The following STAT4 variants were observed in gnomAD, a reference collection of about 807,000 sequenced individuals.
STAT4 encodes the protein signal transducer and activator of transcription 4.
STAT4 carries 42 observed loss-of-function variants against 110.5 expected under a neutral mutation model. The observed-to-expected ratio is 0.38, with a 90% CI of 0.30 to 0.49. The LOEUF is 0.49. STAT4 is among the 20% of genes least tolerant of loss of function. The pLI, the probability that STAT4 is intolerant of heterozygous loss-of-function variation, is 0.95. For missense variants in STAT4, 632 were observed against 887.9 expected (o/e 0.71, Z 3.66); for synonymous variants, 284 against 302.2 (o/e 0.94, Z 0.63).
At chr2:191,123,871 G>C (rs918859171) in intron 3 of STAT4, among the ~76,000 whole-genome samples, 1 of 152,192 alleles carries the variant, frequency 6.6e-6, no homozygotes, top group South Asian at 2.1e-4. Context: ...AAAATTTGAA[G>C]TATGGTTCCT....
intron 16 of STAT4, among the ~76,000 whole-genome samples, chr2:191,036,710 T>C (rs2125152216): frequency 6.6e-6 from 1 of 152,338 alleles, no homozygotes; most frequent in South Asian, 2.1e-4. Context: ...AAACTTTCAC[T>C]CCTGCTCTGA....
Position 191,143,667 on chromosome 2 carries a change from T to C in STAT4, c.273+2946A>G, listed in dbSNP as rs1158610116. ...TAAATCTACCTTATACATCCCTTAGTTCCCCAGGTATCATATTGTTTACTC... is the reference window on the plus strand; with the variant it reads ...TAAATCTACCTTATACATCCCTTAGCTCCCCAGGTATCATATTGTTTACTC... On this transcript the variant is annotated intron_variant, in intron 3 of 23. Coordinates refer to ENST00000392320, the MANE Select transcript of STAT4 (RefSeq NM_003151.4). The surrounding 1 kb of genome is among the most constrained non-coding windows in gnomAD (Gnocchi z 5.6). 6.6e-6 allele frequency among the ~76,000 whole-genome samples: 1 copy of C among 152,214 alleles called. No individual in the cohort carries two copies.
At chr2:191,119,499 C>T (rs1698661388) in intron 3 of STAT4, among the ~76,000 whole-genome samples, 1 of 152,080 alleles carries the variant, frequency 6.6e-6, no homozygotes, top group Non-Finnish European at 1.5e-5. Flanking sequence ...CCTAAGAGCA[C>T]TGTAAAGCAT....
chr2:191,089,479 AT>A (rs1223891162), intron 3 of STAT4, among the ~76,000 whole-genome samples: 1 of 152,166 alleles, frequency 6.6e-6, no homozygotes, highest in Non-Finnish European at 1.5e-5. Context: ...TAATACAGCC[AT>A]TTTCAAAAAC....
At chr2:191,100,939 G>C (rs1383519735) in intron 3 of STAT4, among the ~76,000 whole-genome samples, 1 of 152,038 alleles carries the variant, frequency 6.6e-6, no homozygotes, top group African/African-American at 2.4e-5. Flanking sequence ...CCTCAGGACT[G>C]GAGGTCCGAA....
chr2:191,128,174 G>A (rs958744402), intron 3 of STAT4, among the ~76,000 whole-genome samples: 23 of 152,204 alleles, frequency 1.5e-4, no homozygotes, highest in African/African-American at 4.3e-4. Flanking sequence ...GAGGGTGTGC[G>A]TTGGGGAATT....
At chr2:191,151,362 T>C, upstream of STAT4, 2 of 985,552 alleles carry the variant, frequency 2.0e-6, no homozygotes, top group Non-Finnish European at 2.4e-6. This position sits in a 1 kb window ranked among gnomAD's most constrained non-coding sequence, Gnocchi z 4.7. Context: ...GCTTCCTCTC[T>C]CCCTAGTATA....
At chr2:191,075,315 T>A (rs1415096724) in intron 4 of STAT4, among the ~76,000 whole-genome samples, 1 of 152,244 alleles carries the variant, frequency 6.6e-6, no homozygotes, top group African/African-American at 2.4e-5. Context: ...AAAGACTGCA[T>A]TGATTCCTCT....
At chr2:191,095,666 G>T (rs1414522613) in intron 3 of STAT4, among the ~76,000 whole-genome samples, 1 of 152,176 alleles carries the variant, frequency 6.6e-6, no homozygotes, top group Admixed American at 6.5e-5. Flanking sequence ...AAGCAGGAAA[G>T]ATCTAAAATC....
chr2:191,107,751 T>A lies in STAT4; in HGVS notation c.274-31426A>T, dbSNP rs1357628539. Among the ~76,000 whole-genome samples the A allele has an allele frequency of 6.6e-6, 1 of 152,212 alleles. No homozygotes were observed. The highest frequency in any genetic ancestry group is 1.5e-5 in the Non-Finnish European group (1 of 68,032). On this transcript the variant is annotated intron_variant, in intron 3 of 23. Transcript: ENST00000392320. The surrounding 1 kb of genome is among the most constrained non-coding windows in gnomAD (Gnocchi z 4.2). ...CATAATTTATTTTTTCAACCCAGAT[T>A]ACTACCATACCTTCCTGATGTCCTA...
intron 13 of STAT4, 101 bp from the exon 14 acceptor site, chr2:191,054,635 A>G: frequency 1.1e-6 from 1 of 943,492 alleles, no homozygotes; most frequent in Non-Finnish European, 1.7e-6. Context: ...CACAGTTTTG[A>G]CTTCTAGAAC....
intron 3 of STAT4, among the ~76,000 whole-genome samples, chr2:191,084,476 T>C (rs1275706093): frequency 1.3e-5 from 2 of 152,138 alleles, no homozygotes; most frequent in Non-Finnish European, 2.9e-5. Context: ...TTAATACATG[T>C]AATTAAAACT....
At chr2:191,080,877 G>A (rs1697448457) in intron 3 of STAT4, among the ~76,000 whole-genome samples, 1 of 151,830 alleles carries the variant, frequency 6.6e-6, no homozygotes, top group African/African-American at 2.4e-5. Flanking sequence ...TATACTTTAA[G>A]TTCTGGGATA....
chr2:191,041,137 C>T lies in STAT4; in HGVS notation c.1263G>A (p.Met421Ile). The T allele has an allele frequency of 6.8e-7, 1 of 1,475,552 alleles. No individual in the cohort carries two copies. Among genetic ancestry groups the T allele is most frequent in the Non-Finnish European group, 9.0e-7 (1 of 1,106,120 alleles). The allele number at this position is 1,475,552 out of a possible 1,614,324, so 91.4% of individuals were successfully genotyped here. A position where few individuals can be genotyped will look rare whatever the true frequency, so the allele number is the denominator to read the frequency against. ...TTATGGAATGAAGTTCTTCAGTCAC[C>T]ATGTGACAGCCCTAAGGAAGAGAGA... ...AGGKGNEGCH[M>I]VTEELHSITF... The change falls in exon 15 of 24, where the codon ATG becomes ATA. Residue 421 changes from methionine (M) to isoleucine (I), a missense_variant. Around this residue, in one of 4 missense-constraint regions of STAT4, gnomAD observed 488 missense variants for 632.8 expected, o/e 0.77. Transcript: ENST00000392320.
intron 3 of STAT4, among the ~76,000 whole-genome samples, chr2:191,085,059 A>C (rs1044106443): frequency 1.3e-5 from 2 of 151,834 alleles, no homozygotes; most frequent in Non-Finnish European, 2.9e-5. Flanking sequence ...ACTACCAAAA[A>C]AAAAAAATGG....
chr2:191,080,571 A>G (rs960875037), intron 3 of STAT4, among the ~76,000 whole-genome samples: 30 of 152,140 alleles, frequency 2.0e-4, no homozygotes, highest in African/African-American at 6.8e-4. Flanking sequence ...AAGAACCAGG[A>G]CTCATATTTT....
intron 3 of STAT4, among the ~76,000 whole-genome samples, chr2:191,139,551 G>A (rs760140950): frequency 5.9e-5 from 9 of 152,274 alleles, no homozygotes; most frequent in Middle Eastern, 3.4e-3. Flanking sequence ...ATCCAAGGGG[G>A]TGAAAGATCT....
At chr2:191,075,128 C>G (rs1423024215) in intron 4 of STAT4, among the ~76,000 whole-genome samples, 1 of 152,032 alleles carries the variant, frequency 6.6e-6, no homozygotes, top group African/African-American at 2.4e-5. Flanking sequence ...CCACTGTACT[C>G]TAGCCTGAGT....
At chr2:191,063,036 T>C in intron 8 of STAT4, 116 bp from the exon 9 acceptor site, 2 of 829,002 alleles carry the variant, frequency 2.4e-6, no homozygotes, top group Non-Finnish European at 3.3e-6. Flanking sequence ...TTAAATTAAT[T>C]AAATGAATCA....
Sources: allele counts gnomAD v4.1 joint callset (sites outside exome capture counted in the v4.1 genomes callset), GRCh38; gene constraint gnomAD v4.1.1; regional missense constraint gnomAD v4.1.1; non-coding constraint Gnocchi (gnomAD v3.1); transcripts MANE v1.5; gene names NCBI Gene and HGNC (gene_info 2026-07-23, HGNC 2026-07-21).